The following USP9X variants were observed in gnomAD, a reference collection of about 807,000 sequenced individuals.
The protein encoded by USP9X is ubiquitin specific peptidase 9 X-linked.
Under a neutral mutation model 190.3 loss-of-function variants are expected in USP9X, and 7 were observed. The observed-to-expected ratio is 0.04, with a 90% CI of 0.02 to 0.07. The LOEUF is 0.07. Ranked by LOEUF, USP9X falls within the 10% of genes least tolerant of loss-of-function variation. The pLI is 1.00. For missense variants in USP9X, 1,010 were observed against 1,916.9 expected, an observed-to-expected ratio of 0.53 and a Z score of 8.83; for synonymous variants, 645 against 659.5, an observed-to-expected ratio of 0.98 and a Z score of 0.34.
intron 1 of USP9X, among the ~76,000 whole-genome samples, chrX:41,104,207 C>T (rs1184213804): frequency 9.0e-6 from 1 of 111,169 alleles, no homozygotes; most frequent in Non-Finnish European, 1.9e-5. Context: ...GTTGGGACTA[C>T]AGGTGCATGC....
chrX:41,127,767 G>A lies in USP9X; in HGVS notation c.97-1233G>A, dbSNP rs114606025. Among the ~76,000 whole-genome samples, 792 of 112,179 alleles carry A rather than the reference G, an allele frequency of 7.1e-3. 4 individuals are homozygous for A. The highest frequency in any genetic ancestry group is 0.023 in the African/African-American group (724 of 30,888). On this transcript the variant is annotated intron_variant, in intron 2 of 44. Coordinates refer to ENST00000378308, the MANE Select transcript of USP9X (RefSeq NM_001039591.3). Reference sequence around the variant, plus strand: ...AATGCTGGTAAACTCATCTGTCTTCGTGCAAGTGCTTATTTATGCAACTCT... The same window carrying A: ...AATGCTGGTAAACTCATCTGTCTTCATGCAAGTGCTTATTTATGCAACTCT...
intron 18 of USP9X, among the ~76,000 whole-genome samples, chrX:41,169,100 C>T (rs1187544031): frequency 1.9e-5 from 2 of 104,694 alleles, no homozygotes; most frequent in Non-Finnish European, 3.9e-5. Context: ...AAATGTAAAA[C>T]GACCTTTTAA....
intron 43 of USP9X, 80 bp downstream of exon 43, chrX:41,229,859 G>A: frequency 1.7e-6 from 2 of 1,175,895 alleles, no homozygotes; most frequent in Non-Finnish European, 1.1e-6. Context: ...CAGTGTTTAT[G>A]TATTAATGAT....
intron 28 of USP9X, 98 bp downstream of exon 28, chrX:41,196,836 A>G: frequency 1.4e-6 from 1 of 710,801 alleles, no homozygotes; most frequent in South Asian, 3.2e-5. Context: ...TAAATGGAAA[A>G]CTCCAAAGAT....
Position 41,153,041 on chromosome X carries a change from C to T in USP9X, c.1857C>T (p.Asn619=), listed in dbSNP as rs754827447. 1.7e-6 allele frequency: 2 copies of T among 1,210,127 alleles called. No individual in the cohort carries two copies. Among genetic ancestry groups the T allele is most frequent in the South Asian group, 3.5e-5 (2 of 56,705 alleles). ...NHALVTLVAE[N]LATYMESMRL... ...CCCTAGTTACTTTGGTAGCAGAAAA[C>T]CTTGCAACTTACATGGAAAGCATGA... Residue 619 remains asparagine (N), a synonymous_variant, in exon 14 of 45, where the codon AAC becomes AAT. Transcript: ENST00000378308.
rs760793860 is a variant in USP9X, at chrX:41,171,747, A to G, written c.3028-91A>G. On this transcript the variant is annotated intron_variant, in intron 20 of 44. Transcript: ENST00000378308. ...GAGTAGAAATTTCATAAGTAAAAGT[A>G]TAGGGATTAACACAGAGAAACTTAC... is the stretch of plus-strand genomic sequence containing the variant. 2.9e-5 allele frequency: 30 copies of G among 1,021,387 alleles called. No homozygotes were observed. The Middle Eastern group carries it at 2.1e-3, about 71-fold the overall frequency. 84.2% of individuals were successfully genotyped at this position (1,021,387 alleles called of 1,213,427 possible).
At chrX:41,202,326 G>A (rs780379629) in intron 31 of USP9X, among the ~76,000 whole-genome samples, 11 of 112,060 alleles carry the variant, frequency 9.8e-5, no homozygotes, top group African/African-American at 3.6e-4. Context: ...AGTTGTAGTG[G>A]CGAATCAGAA....
intron 14 of USP9X, among the ~76,000 whole-genome samples, chrX:41,153,775 C>G (rs1162610995): frequency 9.0e-6 from 1 of 111,704 alleles, no homozygotes; most frequent in Non-Finnish European, 1.9e-5. Flanking sequence ...ACCCCTTTCC[C>G]CACTGATACT....
intron 1 of USP9X, among the ~76,000 whole-genome samples, chrX:41,121,857 CT>C (rs1295124741): frequency 1.8e-5 from 2 of 111,529 alleles, no homozygotes; most frequent in Non-Finnish European, 3.8e-5. Flanking sequence ...GGCTACTGAT[CT>C]AATGAATATA....
chrX:41,103,901 T>C (rs1029706164), intron 1 of USP9X, among the ~76,000 whole-genome samples: 1 of 111,678 alleles, frequency 9.0e-6, no homozygotes, highest in Non-Finnish European at 1.9e-5. Context: ...AAAGGGTCGT[T>C]CATTTGTTCA....
At chrX:41,135,436 C>T (rs954792998) in intron 5 of USP9X, among the ~76,000 whole-genome samples, 5 of 111,595 alleles carry the variant, frequency 4.5e-5, no homozygotes, top group East Asian at 2.8e-4. Flanking sequence ...GGTCTCATGT[C>T]GGTAGTGCCC....
At chrX:41,132,574 G>C (rs1391594421) in intron 4 of USP9X, among the ~76,000 whole-genome samples, 1 of 110,520 alleles carries the variant, frequency 9.0e-6, no homozygotes, top group African/African-American at 3.3e-5. Flanking sequence ...AAAGTGCTGG[G>C]ATTATAGGCA....
At chrX:41,141,790 A>G (rs1328969863) in intron 9 of USP9X, among the ~76,000 whole-genome samples, 2 of 111,251 alleles carry the variant, frequency 1.8e-5, no homozygotes, top group African/African-American at 6.5e-5. Context: ...CCTATTGTTC[A>G]TTTGACCATT....
chrX:41,131,836 T>C (rs2062320908), intron 4 of USP9X, among the ~76,000 whole-genome samples: 1 of 112,020 alleles, frequency 8.9e-6, no homozygotes, highest in African/African-American at 3.2e-5. Flanking sequence ...TGGGAAATAC[T>C]ATACAAAAGA....
intron 2 of USP9X, among the ~76,000 whole-genome samples, chrX:41,125,684 A>ACTCCCT (rs2062238032): frequency 5.3e-5 from 1 of 19,027 alleles, no homozygotes; most frequent in East Asian, 1.9e-3. Context: ...ACACACACAC[A>ACTCCCT]CTCTCTCTCT....
chrX:41,130,404 T>C (rs2062298561), intron 3 of USP9X, among the ~76,000 whole-genome samples: 1 of 110,951 alleles, frequency 9.0e-6, no homozygotes, highest in Admixed American at 9.6e-5. Flanking sequence ...CTTCTTAGGC[T>C]AAAGTTGCAT....
chrX:41,149,085 C>T (rs1053697890), intron 12 of USP9X, among the ~76,000 whole-genome samples: 1 of 111,704 alleles, frequency 9.0e-6, no homozygotes, highest in African/African-American at 3.3e-5. Context: ...GTTAATAAAA[C>T]TATTTGTTAC....
At position 41,170,090 on chromosome X, in the gene USP9X, C is replaced by G; in HGVS notation, c.2732C>G (p.Thr911Arg). Residue 911 changes from threonine to arginine, a missense_variant, in exon 19 of 45, where the codon ACA (threonine) becomes AGA (arginine). By Grantham distance (71) the Thr-to-Arg change is moderately conservative. Coordinates refer to ENST00000378308, the MANE Select transcript of USP9X (RefSeq NM_001039591.3). ...DLEVWSHTND[T>R]IGSVRRCILN... ...GAGGTATGGTCTCATACAAATGATA[C>G]AATTGGTTCAGTACGACGATGTATT... The G allele has an allele frequency of 8.3e-7, 1 of 1,211,463 alleles. No homozygotes were observed. Among genetic ancestry groups the G allele is most frequent in the Non-Finnish European group, 1.1e-6 (1 of 895,466 alleles).
intron 1 of USP9X, among the ~76,000 whole-genome samples, chrX:41,103,279 TAAGAA>T (rs2062047502): frequency 8.9e-6 from 1 of 112,794 alleles, no homozygotes; most frequent in Non-Finnish European, 1.9e-5. Context: ...AAAAAGGAGT[TAAGAA>T]AGGTGTTTTC....
Sources: gnomAD v4.1 joint callset for allele counts (sites outside exome capture counted in the v4.1 genomes callset) on GRCh38, gnomAD v4.1.1 for gene constraint, MANE v1.5 for transcripts, NCBI Gene and HGNC (gene_info 2026-07-23, HGNC 2026-07-21) for gene names.